PPM1H: variants seen among roughly 807,000 people sequenced by gnomAD.
PPM1H encodes protein phosphatase 1H.
In PPM1H, 27 loss-of-function variants were observed where a neutral mutation model predicts 54.9. That is an observed-to-expected ratio of 0.49 (90% CI 0.36 to 0.68). The LOEUF (loss-of-function observed/expected upper bound fraction) is 0.68, where lower values mean the gene tolerates loss of function less well. PPM1H is among the 30% of genes least tolerant of loss of function. The pLI, the probability that PPM1H is intolerant of heterozygous loss-of-function variation, is 0.00. For missense variants in PPM1H, 596 were observed against 667.8 expected (o/e 0.89, Z 1.19); for synonymous variants, 305 against 270.8 (o/e 1.13, Z -1.24).
At chr12:62,663,547 G>A (rs1395316086) in intron 9 of PPM1H, among the ~76,000 whole-genome samples, 1 of 152,104 alleles carries the variant, frequency 6.6e-6, no homozygotes, top group Non-Finnish European at 1.5e-5. Flanking sequence ...AAAGGACCGT[G>A]CTTTTCAGAA....
intron 9 of PPM1H, chr12:62,659,269 CAAAAAA>C (rs11349692): frequency 4.4e-4 from 40 of 91,616 alleles, no homozygotes; most frequent in East Asian, 2.0e-3. Context: ...GTAAAAACTG[CAAAAAA>C]AAAAAAAAAA....
intron 1 of PPM1H, among the ~76,000 whole-genome samples, chr12:62,888,547 G>A (rs762087121): frequency 8.5e-5 from 13 of 152,146 alleles, no homozygotes; most frequent in East Asian, 3.9e-4. Context: ...AGAAACTATC[G>A]TCAGAGATGC....
intron 1 of PPM1H, among the ~76,000 whole-genome samples, chr12:62,849,631 C>A (rs1211002575): frequency 2.0e-5 from 3 of 152,034 alleles, no homozygotes; most frequent in Non-Finnish European, 2.9e-5. Flanking sequence ...TTCAAGTGCC[C>A]ACTAGATATG....
At chr12:62,659,054 CCA>C in intron 9 of PPM1H, 1 of 726,398 alleles carries the variant, frequency 1.4e-6, no homozygotes, top group Non-Finnish European at 2.5e-6. Flanking sequence ...AGTTCCTGAT[CCA>C]CAGCGTCAAG....
At chr12:62,679,387 A>G (rs1339166421) in intron 8 of PPM1H, among the ~76,000 whole-genome samples, 2 of 152,202 alleles carry the variant, frequency 1.3e-5, no homozygotes, top group East Asian at 3.9e-4. Flanking sequence ...GCTAATTGAG[A>G]ACACAGAAGT....
chr12:62,780,555 C>T (rs1227487524), intron 4 of PPM1H, among the ~76,000 whole-genome samples: 1 of 152,198 alleles, frequency 6.6e-6, no homozygotes. Context: ...ATCTTCCTGC[C>T]TTGGCCTCCT....
At chr12:62,740,417 T>C (rs1163401084) in intron 4 of PPM1H, among the ~76,000 whole-genome samples, 1 of 152,102 alleles carries the variant, frequency 6.6e-6, no homozygotes, top group African/African-American at 2.4e-5. Flanking sequence ...TCCGGGACAT[T>C]CTCTCTCCAA....
intron 4 of PPM1H, among the ~76,000 whole-genome samples, chr12:62,785,826 C>T (rs554401245): frequency 3.4e-5 from 5 of 147,466 alleles, no homozygotes; most frequent in Non-Finnish European, 5.9e-5. Context: ...TTTAAGGAGC[C>T]TGGAGCTTTG....
intron 1 of PPM1H, among the ~76,000 whole-genome samples, chr12:62,860,442 A>AAT (rs1869557212): frequency 6.6e-6 from 1 of 152,202 alleles, no homozygotes; most frequent in Non-Finnish European, 1.5e-5. Context: ...TAAAGATCTT[A>AAT]ATATATATCC....
At chr12:62,658,089 A>G (rs1442247002) in intron 9 of PPM1H, among the ~76,000 whole-genome samples, 8 of 142,616 alleles carry the variant, frequency 5.6e-5, no homozygotes, top group Non-Finnish European at 1.2e-4. Context: ...AGGTGGGGCC[A>G]GGCATGATGG....
intron 4 of PPM1H, chr12:62,755,680 A>G (rs2076469349): frequency 3.0e-6 from 2 of 667,978 alleles, no homozygotes; most frequent in South Asian, 1.7e-5. Context: ...TGCCTCCTGT[A>G]TCACCAACTG....
intron 9 of PPM1H, among the ~76,000 whole-genome samples, chr12:62,651,686 A>G (rs888077428): frequency 5.9e-5 from 9 of 152,066 alleles, no homozygotes; most frequent in African/African-American, 2.2e-4. Context: ...TAGGTGCTTA[A>G]CTTCCTGAGG....
intron 4 of PPM1H, among the ~76,000 whole-genome samples, chr12:62,778,670 G>T (rs1219782136): frequency 6.6e-6 from 1 of 152,224 alleles, no homozygotes; most frequent in East Asian, 1.9e-4. Flanking sequence ...ATAATGCTTT[G>T]CTGGGTGTGA....
At chr12:62,915,150 C>T (rs1871580398) in intron 1 of PPM1H, among the ~76,000 whole-genome samples, 1 of 152,246 alleles carries the variant, frequency 6.6e-6, no homozygotes. Context: ...TGCCTCTATG[C>T]AGTTTTTGTT....
chr12:62,691,810 C>CAA (rs34984420), intron 7 of PPM1H, among the ~76,000 whole-genome samples: 17,496 of 127,628 alleles, frequency 0.14, 1,441 homozygotes, highest in East Asian at 0.29. Context: ...TGCCATGTCT[C>CAA]AAAAAAAAAA....
At chr12:62,895,415 G>C (rs1409668948) in intron 1 of PPM1H, among the ~76,000 whole-genome samples, 2 of 152,200 alleles carry the variant, frequency 1.3e-5, no homozygotes, top group African/African-American at 4.8e-5. Context: ...TTGAAGGCCA[G>C]GGGCACAGGG....
chr12:62,669,183 C>T (rs948132651), intron 8 of PPM1H, among the ~76,000 whole-genome samples: 2 of 152,210 alleles, frequency 1.3e-5, no homozygotes, highest in Admixed American at 6.5e-5. Flanking sequence ...TTAAAGAAAA[C>T]ATGAAAGCCT....
At chr12:62,703,992 G>GTGTGTGTGTA (rs2120392321) in intron 6 of PPM1H, among the ~76,000 whole-genome samples, 1 of 151,454 alleles carries the variant, frequency 6.6e-6, no homozygotes, top group Non-Finnish European at 1.5e-5. Context: ...GTGTGTGTGT[G>GTGTGTGTGTA]TGTGTGTGTG....
chr12:62,764,035 T>C (rs889274392), intron 4 of PPM1H, among the ~76,000 whole-genome samples: 1 of 152,248 alleles, frequency 6.6e-6, no homozygotes, highest in Non-Finnish European at 1.5e-5. Flanking sequence ...CTTTTCTTTG[T>C]CTGCACTGGT....
Sources: gnomAD v4.1 joint callset for allele counts (sites outside exome capture counted in the v4.1 genomes callset) on GRCh38, gnomAD v4.1.1 for gene constraint, MANE v1.5 for transcripts, NCBI Gene and HGNC (gene_info 2026-07-23, HGNC 2026-07-21) for gene names.